The following LMNTD1 variants were observed in gnomAD, a reference collection of about 807,000 sequenced individuals.
LMNTD1 encodes lamin tail domain-containing protein 1.
A neutral mutation model predicts 50.9 loss-of-function variants in LMNTD1; 35 were observed. The observed-to-expected ratio is 0.69, with a 90% CI of 0.53 to 0.91. The LOEUF is 0.91. Among genes scored for constraint, LMNTD1 ranks in the 40% least tolerant of loss-of-function variants. The probability of loss-of-function intolerance (pLI) is 0.00; values close to 1 mark genes in which losing one functional copy is unlikely to be tolerated. For synonymous variants in LMNTD1, 153 were observed against 161.9 expected (o/e 0.94, Z 0.42); for missense variants, 470 against 475.5 (o/e 0.99, Z 0.11).
intron 8 of LMNTD1, among the ~76,000 whole-genome samples, chr12:25,517,703 G>T (rs928886942): frequency 2.6e-5 from 3 of 114,538 alleles, no homozygotes; most frequent in African/African-American, 3.5e-5. Context: ...AACTTAAAGT[G>T]TAAGAATAAT....
chr12:25,596,676 A>G (rs1013231567), intron 1 of LMNTD1, among the ~76,000 whole-genome samples: 2 of 152,088 alleles, frequency 1.3e-5, no homozygotes, highest in African/African-American at 2.4e-5. Context: ...GAGTACTTCA[A>G]TAGAAAGAAA....
chr12:25,481,906 CATAT>C (rs1227990607), intron 9 of LMNTD1, among the ~76,000 whole-genome samples: 2 of 143,888 alleles, frequency 1.4e-5, no homozygotes, highest in Non-Finnish European at 3.0e-5. Context: ...CACACACACA[CATAT>C]AGTGAAAGGT....
At chr12:25,605,991 T>C (rs1946091464) in intron 1 of LMNTD1, among the ~76,000 whole-genome samples, 1 of 152,238 alleles carries the variant, frequency 6.6e-6, no homozygotes, top group Non-Finnish European at 1.5e-5. Context: ...CATTTGTTTG[T>C]ATCCTCTTTT....
intron 1 of LMNTD1, among the ~76,000 whole-genome samples, chr12:25,604,325 G>C (rs553277992): frequency 9.9e-5 from 15 of 151,740 alleles, no homozygotes; most frequent in Non-Finnish European, 2.1e-4. Context: ...TAAAAATCAT[G>C]GTTCTTTATT....
At chr12:25,637,795 A>G (rs1481353276) in intron 1 of LMNTD1, among the ~76,000 whole-genome samples, 1 of 152,044 alleles carries the variant, frequency 6.6e-6, no homozygotes, top group Non-Finnish European at 1.5e-5. Flanking sequence ...TTTTCCAAAA[A>G]AGATATACAA....
At chr12:25,557,554 G>T (rs76061729), upstream of LMNTD1, among the ~76,000 whole-genome samples, 4,001 of 152,186 alleles carry the variant, frequency 0.026, 204 homozygotes, top group African/African-American at 0.091. Flanking sequence ...CTCTTTAGAG[G>T]AATATAGCAC....
intron 4 of LMNTD1, among the ~76,000 whole-genome samples, chr12:25,528,173 A>G: frequency 6.6e-6 from 1 of 152,172 alleles, no homozygotes. Context: ...ATACTTCTAC[A>G]TGTTTCTTAT....
At chr12:25,634,330 T>C (rs1004874800) in intron 1 of LMNTD1, among the ~76,000 whole-genome samples, 1 of 152,146 alleles carries the variant, frequency 6.6e-6, no homozygotes, top group Non-Finnish European at 1.5e-5. Flanking sequence ...CCCTAATTCA[T>C]TCTATGAAGC....
chr12:25,493,418 G>A (rs1938953782), intron 9 of LMNTD1, among the ~76,000 whole-genome samples: 1 of 152,152 alleles, frequency 6.6e-6, no homozygotes, highest in Non-Finnish European at 1.5e-5. Flanking sequence ...GTGGTGCGAG[G>A]AATTAAGAGT....
At chr12:25,531,691 T>C (rs1033520742) in intron 4 of LMNTD1, among the ~76,000 whole-genome samples, 14 of 152,192 alleles carry the variant, frequency 9.2e-5, no homozygotes, top group Non-Finnish European at 1.8e-4. Context: ...CTTTCATTAG[T>C]CTGGGAAAAT....
chr12:25,638,095 C>T (rs562941464), intron 1 of LMNTD1, among the ~76,000 whole-genome samples: 1 of 152,028 alleles, frequency 6.6e-6, no homozygotes, highest in Admixed American at 6.5e-5. Flanking sequence ...AACACATGAT[C>T]ACCTCAATAA....
At chr12:25,592,510 T>C (rs1022066537) in intron 1 of LMNTD1, 2 of 152,146 alleles carry the variant, frequency 1.3e-5, no homozygotes, top group Admixed American at 6.5e-5. Context: ...GTTGAATCAA[T>C]TTAGAGAGCC....
chr12:25,527,650 AT>A (rs1941837519), intron 4 of LMNTD1, among the ~76,000 whole-genome samples: 1 of 45,526 alleles, frequency 2.2e-5, no homozygotes, highest in African/African-American at 9.6e-5. Flanking sequence ...CTATATATAT[AT>A]ATATATATAT....
intron 1 of LMNTD1, among the ~76,000 whole-genome samples, chr12:25,626,218 G>T (rs932721703): frequency 1.3e-5 from 2 of 152,082 alleles, no homozygotes; most frequent in African/African-American, 4.8e-5. Flanking sequence ...TTTAATGAAG[G>T]AGGTTCCTGA....
At chr12:25,527,667 TATATATATATATATACACACACAC>T (rs1234550542) in intron 4 of LMNTD1, among the ~76,000 whole-genome samples, 268 of 23,082 alleles carry the variant, frequency 0.012, 2 homozygotes, top group East Asian at 0.059. Flanking sequence ...TATATATATA[TATATATATATATATACACACACAC>T]ACACACACAC....
chr12:25,478,448 A>C (rs1163791520), intron 9 of LMNTD1, among the ~76,000 whole-genome samples: 1 of 152,216 alleles, frequency 6.6e-6, no homozygotes, highest in Non-Finnish European at 1.5e-5. Context: ...AGAGAAAGGA[A>C]ATAAAATGAA....
intron 1 of LMNTD1, among the ~76,000 whole-genome samples, chr12:25,639,189 T>A (rs1946899278): frequency 6.6e-6 from 1 of 152,198 alleles, no homozygotes; most frequent in African/African-American, 2.4e-5. Context: ...GACCTATATG[T>A]AAGAGTTAGA....
chr12:25,583,135 C>T (rs954178827), intron 1 of LMNTD1, among the ~76,000 whole-genome samples: 1 of 151,826 alleles, frequency 6.6e-6, no homozygotes, highest in African/African-American at 2.4e-5. Context: ...CATTCTCCTA[C>T]CTCAGCCTCC....
intron 4 of LMNTD1, among the ~76,000 whole-genome samples, chr12:25,532,892 C>T (rs146861376): frequency 6.6e-5 from 10 of 152,162 alleles, no homozygotes; most frequent in Admixed American, 1.3e-4. Flanking sequence ...TTTTGTTTTT[C>T]AGACTTGCTT....
Sources: gnomAD v4.1 joint callset for allele counts (sites outside exome capture counted in the v4.1 genomes callset) on GRCh38, gnomAD v4.1.1 for gene constraint, MANE v1.5 for transcripts, NCBI Gene and HGNC (gene_info 2026-07-23, HGNC 2026-07-21) for gene names.